SNX18: variants seen among roughly 807,000 people sequenced by gnomAD.
SNX18 encodes the protein sorting nexin-18.
A neutral mutation model predicts 48.7 loss-of-function variants in SNX18; 35 were observed. That is an observed-to-expected ratio of 0.72 (90% CI 0.55 to 0.95). The LOEUF (loss-of-function observed/expected upper bound fraction) is 0.95. Among genes scored for constraint, SNX18 ranks in the 40% least tolerant of loss-of-function variants. SNX18 has a pLI of 0.00. For synonymous variants in SNX18, 492 were observed against 384.7 expected (o/e 1.28, Z -3.26); for missense variants, 824 against 871.0 (o/e 0.95, Z 0.68).
At chr5:54,635,896 C>A in the SNX18 span, among the ~76,000 whole-genome samples, 2,024 of 152,268 alleles carry the variant, frequency 0.013, 48 homozygotes, top group African/African-American at 0.047. Context: ...ACCACACTCA[C>A]GGGGAAACCT....
the SNX18 span, among the ~76,000 whole-genome samples, chr5:54,573,997 T>G: frequency 6.6e-6 from 1 of 152,176 alleles, no homozygotes. Context: ...CCACCCACAT[T>G]CAGAAGCTGA....
At chr5:54,528,785 G>GA (rs1416595654) in intron 1 of SNX18, among the ~76,000 whole-genome samples, 1 of 152,146 alleles carries the variant, frequency 6.6e-6, no homozygotes, top group African/African-American at 2.4e-5. Context: ...GAAGAGTTTT[G>GA]AAAACAAGTG....
At chr5:54,642,381 G>A in the SNX18 span, among the ~76,000 whole-genome samples, 10 of 151,360 alleles carry the variant, frequency 6.6e-5, no homozygotes, top group Admixed American at 6.6e-4. Context: ...AGTTATGTTG[G>A]GTTTTTTTTT....
the SNX18 span, among the ~76,000 whole-genome samples, chr5:54,602,808 C>T: frequency 6.6e-6 from 1 of 152,156 alleles, no homozygotes; most frequent in African/African-American, 2.4e-5. Context: ...TGAGGTCTTA[C>T]TGGGAAGCTG....
At chr5:54,640,754 A>G in the SNX18 span, among the ~76,000 whole-genome samples, 1 of 152,142 alleles carries the variant, frequency 6.6e-6, no homozygotes, top group Non-Finnish European at 1.5e-5. Flanking sequence ...TATCCATATC[A>G]GGTTGATAAA....
chr5:54,563,155 G>A, the SNX18 span, among the ~76,000 whole-genome samples: 1 of 152,220 alleles, frequency 6.6e-6, no homozygotes, highest in African/African-American at 2.4e-5. Flanking sequence ...AGTAAGCTAA[G>A]GTTAGTTTAT....
chr5:54,627,419 CAT>C, the SNX18 span, among the ~76,000 whole-genome samples: 1 of 152,070 alleles, frequency 6.6e-6, no homozygotes. Flanking sequence ...TTAATGGAAA[CAT>C]GTTATTTCAT....
chr5:54,557,353 A>G, the SNX18 span, among the ~76,000 whole-genome samples: 3 of 152,212 alleles, frequency 2.0e-5, no homozygotes, highest in Non-Finnish European at 4.4e-5. Context: ...ACTTGTTACA[A>G]TGAATCACCT....
the SNX18 span, chr5:54,643,632 G>C: frequency 6.6e-6 from 1 of 152,174 alleles, no homozygotes. Flanking sequence ...AATTTTGGAG[G>C]TATCAATTCC....
chr5:54,550,454 A>G (rs1329652977), downstream of SNX18, among the ~76,000 whole-genome samples: 1 of 152,126 alleles, frequency 6.6e-6, no homozygotes, highest in African/African-American at 2.4e-5. Context: ...AAAAAACAAG[A>G]TGAGGAAGCT....
At chr5:54,602,976 G>A in the SNX18 span, among the ~76,000 whole-genome samples, 1 of 152,070 alleles carries the variant, frequency 6.6e-6, no homozygotes, top group Non-Finnish European at 1.5e-5. Flanking sequence ...CTCCTGCCCT[G>A]CTCATACCTG....
rs989864432 is a variant in SNX18 at position 54,546,250 on chromosome 5, A to T, written c.*2818A>T. 2 of 152,238 alleles carry T rather than the reference A, an allele frequency of 1.3e-5. No individual in the cohort carries two copies. The highest frequency in any genetic ancestry group is 4.8e-5 in the African/African-American group (2 of 41,468). The allele number at this position is 152,238 out of a possible 1,614,324, so 9.4% of individuals were successfully genotyped here. A position where few individuals can be genotyped will look rare whatever the true frequency, so the allele number is the denominator to read the frequency against. ...TGTCTTAAATTTTGCTGCTGTTCTC[A>T]TAATTAAGGACTTGAAAAATGTTTT... On this transcript the variant is annotated 3_prime_UTR_variant, in exon 2 of 2. Transcript: ENST00000381410.
the SNX18 span, among the ~76,000 whole-genome samples, chr5:54,589,678 C>T: frequency 1.3e-5 from 2 of 152,152 alleles, no homozygotes; most frequent in Non-Finnish European, 2.9e-5. Context: ...CGTTTCCTTC[C>T]CAAAGCTGAC....
chr5:54,647,400 C>A, the SNX18 span, among the ~76,000 whole-genome samples: 1 of 152,092 alleles, frequency 6.6e-6, no homozygotes, highest in Admixed American at 6.5e-5. Context: ...TTTTCTTTAA[C>A]GAGTGATGCT....
the SNX18 span, among the ~76,000 whole-genome samples, chr5:54,633,657 T>G: frequency 6.6e-6 from 1 of 152,342 alleles, no homozygotes; most frequent in East Asian, 1.9e-4. Context: ...CATTTACAAG[T>G]GCTGTAACAG....
the SNX18 span, among the ~76,000 whole-genome samples, chr5:54,601,060 T>C: frequency 6.6e-6 from 1 of 151,850 alleles, no homozygotes; most frequent in Non-Finnish European, 1.5e-5. Context: ...ATTCATCTAT[T>C]CCTCCCTCCA....
chr5:54,616,860 C>T, the SNX18 span, among the ~76,000 whole-genome samples: 1 of 152,192 alleles, frequency 6.6e-6, no homozygotes, highest in Middle Eastern at 3.2e-3. Flanking sequence ...ACCAGGTGCT[C>T]ACTGCCTAAA....
At chr5:54,540,213 T>C (rs1304879007) in intron 1 of SNX18, among the ~76,000 whole-genome samples, 1 of 139,752 alleles carries the variant, frequency 7.2e-6, no homozygotes, top group Non-Finnish European at 1.5e-5. Context: ...GACTTGTTCT[T>C]TTTTTTTTTC....
the SNX18 span, among the ~76,000 whole-genome samples, chr5:54,611,881 CTTTT>C: frequency 2.7e-5 from 4 of 147,108 alleles, no homozygotes. Flanking sequence ...TCTTCTTCTT[CTTTT>C]TTTTTAATTA....
Sources: gnomAD v4.1 joint callset for allele counts (sites outside exome capture counted in the v4.1 genomes callset) on GRCh38, gnomAD v4.1.1 for gene constraint, MANE v1.5 for transcripts, NCBI Gene and HGNC (gene_info 2026-07-23, HGNC 2026-07-21) for gene names.